Variants in NLRP7 observed in about 807,000 individuals in gnomAD.
The protein encoded by NLRP7 is NACHT, LRR and PYD domains-containing protein 7.
NLRP7 carries 72 observed loss-of-function variants against 85.5 expected under a neutral mutation model. That is an observed-to-expected ratio of 0.84 (90% confidence interval 0.70 to 1.02). The LOEUF (loss-of-function observed/expected upper bound fraction) is 1.02. Ranked by LOEUF, NLRP7 falls within the 50% of genes least tolerant of loss-of-function variation. The probability of loss-of-function intolerance (pLI) is 0.00; values close to 1 mark genes in which losing one functional copy is unlikely to be tolerated. For missense variants in NLRP7, 1,243 were observed against 1,219.5 expected (o/e 1.02, Z -0.29); for synonymous variants, 550 against 505.2 (o/e 1.09, Z -1.19).
At chr19:54,938,198 G>A (rs763112445) in exon 5 of NLRP7, 19 of 1,613,998 alleles carry the variant, frequency 1.2e-5, no homozygotes, top group South Asian at 3.3e-5. Flanking sequence ...CGAAGAGAGC[G>A]AAGATCCTGC....
chr19:54,932,101 A>G (rs561675253), intron 8 of NLRP7, among the ~76,000 whole-genome samples: 1 of 152,276 alleles, frequency 6.6e-6, no homozygotes, highest in South Asian at 2.1e-4. Context: ...TACACTTCGT[A>G]TAACGATCAG....
At chr19:54,938,806 G>A in intron 4 of NLRP7, 82 bp downstream of exon 4, 2 of 1,477,544 alleles carry the variant, frequency 1.4e-6, no homozygotes, top group East Asian at 2.3e-5. Flanking sequence ...CCAGCCAGAG[G>A]GAAATTCTGA....
upstream of NLRP7, chr19:54,947,630 A>G (rs1569541734): frequency 7.8e-7 from 1 of 1,289,522 alleles, no homozygotes; most frequent in East Asian, 5.6e-5. Flanking sequence ...CCAACCACTG[A>G]CCTCAGGCTC....
At position 54,927,494 on chromosome 19, in the gene NLRP7, T is replaced by G. The variant is rs1353862484; in HGVS notation, c.2810+3005A>C. 4 of 1,007,370 alleles carry G rather than the reference T, an allele frequency of 4.0e-6. No homozygotes were observed. The Admixed American group carries it at 5.6e-5, about 14-fold the overall frequency. 62.4% of individuals were successfully genotyped at this position (1,007,370 alleles called of 1,614,324 possible). ...TTGCTTGAACCTGAGAGGCAGAGGT[T>G]GCGGTGAGCCAAGATTGCGCCACTG... On this transcript the variant is annotated intron_variant, in intron 9 of 9. Transcript: ENST00000340844.
chr19:54,924,449 C>G (rs1384978157), intron 9 of NLRP7, among the ~76,000 whole-genome samples: 10 of 152,008 alleles, frequency 6.6e-5, no homozygotes, highest in Admixed American at 5.3e-4. Context: ...ACGGTGAAAC[C>G]CTGTCTCTAC....
At chr19:54,958,969 C>A (rs1490322108) in intron 1 of NLRP7, among the ~76,000 whole-genome samples, 2 of 152,022 alleles carry the variant, frequency 1.3e-5, no homozygotes, top group Non-Finnish European at 2.9e-5. Flanking sequence ...CAGTGTTCTT[C>A]TATACAATGC....
chr19:54,953,619 T>TCCTGGGGCGCGGGGCTG (rs2069747174), intron 1 of NLRP7, among the ~76,000 whole-genome samples: 2 of 151,776 alleles, frequency 1.3e-5, no homozygotes, highest in African/African-American at 4.8e-5. Context: ...TGGATTTCAT[T>TCCTGGGGCGCGGGGCTG]TCTGCCTTTT....
rs2070295014 is a variant in NLRP7 at position 54,965,028 on chromosome 19, T to G, written c.-77+1012A>C. On this transcript the variant is annotated intron_variant, in intron 1 of 2. Coordinates refer to the NLRP7 transcript ENST00000587103. ...TCTCAGCCTCGGCCGCAATCACAAT[T>G]ATCTGGGACTCTCGAAAGAACTCCA... The G allele has an allele frequency of 1.9e-5, 2 of 103,070 alleles. 1 individual carries two copies. Among genetic ancestry groups the G allele is most frequent in the Non-Finnish European group, 4.1e-5 (2 of 49,278 alleles). 6.4% of individuals were successfully genotyped at this position (103,070 alleles called of 1,614,324 possible). A position where few individuals can be genotyped will look rare whatever the true frequency, so the allele number is the denominator to read the frequency against.
At chr19:54,939,925 C>T (rs2069140851) in exon 4 of NLRP7, 1 of 1,614,028 alleles carries the variant, frequency 6.2e-7, no homozygotes, top group Non-Finnish European at 8.5e-7. Context: ...GCGTGGTGAC[C>T]AGCAAGGCTG....
chr19:54,937,644 TC>T (rs1409517016), intron 5 of NLRP7, among the ~76,000 whole-genome samples: 2 of 151,824 alleles, frequency 1.3e-5, no homozygotes, highest in African/African-American at 2.4e-5. Flanking sequence ...ATGCCTATAA[TC>T]CCAGCACTTT....
Position 54,934,012 on chromosome 19 carries a change from G to A in NLRP7, c.2472-273C>T, listed in dbSNP as rs1337186817. Among the ~76,000 whole-genome samples the A allele has an allele frequency of 4.6e-5, 7 of 152,286 alleles. No homozygotes were observed. Among genetic ancestry groups the A allele is most frequent in the East Asian group, 1.9e-4 (1 of 5,172 alleles). On this transcript the variant is annotated intron_variant, in intron 7 of 9. Transcript: ENST00000340844. The surrounding 1 kb of genome is among the most constrained non-coding windows in gnomAD (Gnocchi z 6.7). ...GGCTGGAGTGCAGTGGCGCGATCTC[G>A]GTTCACTGCCAATCGCCGCCTCCCA...
Position 54,939,147 on chromosome 19 carries a change from G to A in NLRP7, c.1672C>T (p.His558Tyr), listed in dbSNP as rs1295399007. 6.2e-7 allele frequency: 1 copy of A among 1,614,242 alleles called. No individual in the cohort carries two copies. The highest frequency in any genetic ancestry group is 1.1e-5 in the South Asian group (1 of 91,084). Reference sequence around the variant, plus strand: ...GTCACGGATAAGGGCTTATTTGCATGAAGATGTGCTTTGCATTGCAGCAAT... The same window carrying A: ...GTCACGGATAAGGGCTTATTTGCATAAAGATGTGCTTTGCATTGCAGCAAT... Residue 558 changes from histidine to tyrosine, a missense_variant, in exon 4 of 10, where the codon CAT (histidine) becomes TAT (tyrosine). Transcript: ENST00000340844.
chr19:54,944,249 G>A (rs1042699989), intron 1 of NLRP7, among the ~76,000 whole-genome samples: 2 of 152,022 alleles, frequency 1.3e-5, no homozygotes, highest in African/African-American at 4.8e-5. Flanking sequence ...GAATGTCTCG[G>A]TGTAAAACCC....
At position 54,938,160 on chromosome 19, in the gene NLRP7, G is replaced by A. The variant is rs947831073; in HGVS notation, c.2013C>T (p.Phe671=). The A allele has an allele frequency of 5.6e-6, 9 of 1,613,912 alleles. No individual in the cohort carries two copies. The African/African-American group carries it at 1.1e-4, about 19-fold the overall frequency. The change falls in exon 5 of 10, where the codon TTC becomes TTT. Residue 671 remains phenylalanine, a synonymous_variant. Coordinates refer to ENST00000340844, the Ensembl canonical transcript of NLRP7. ...GAAACTTGAGGTTGCTGTTTGAGCTGAAGAGAGAGCAGAAATCTGTCCAGA... is the reference window on the plus strand; with the variant it reads ...GAAACTTGAGGTTGCTGTTTGAGCTAAAGAGAGAGCAGAAATCTGTCCAGA...
At chr19:54,945,895 T>C (rs891342530) in intron 1 of NLRP7, among the ~76,000 whole-genome samples, 2 of 152,040 alleles carry the variant, frequency 1.3e-5, no homozygotes, top group African/African-American at 4.8e-5. Context: ...GTTCACGCCA[T>C]TCTCCTGCCT....
At position 54,938,868 on chromosome 19, in the gene NLRP7, G is replaced by C; in HGVS notation, c.1931+20C>G. 6.2e-7 allele frequency: 1 copy of C among 1,613,060 alleles called. No homozygotes were observed. The highest frequency in any genetic ancestry group is 8.5e-7 in the Non-Finnish European group (1 of 1,179,730). On this transcript the variant is annotated intron_variant, in intron 4 of 9. Transcript: ENST00000340844. ...CTGGCCTCTTCCTAGTGGAGCGTGGGATGGGAAAACAGTTCTTACCTTTCA... is the reference window on the plus strand; with the variant it reads ...CTGGCCTCTTCCTAGTGGAGCGTGGCATGGGAAAACAGTTCTTACCTTTCA...
intron 1 of NLRP7, among the ~76,000 whole-genome samples, chr19:54,944,148 A>G (rs1569541380): frequency 2.0e-5 from 3 of 152,006 alleles, no homozygotes; most frequent in Admixed American, 1.3e-4. Flanking sequence ...GACACCCGTA[A>G]AGGGTCTGTG....
chr19:54,962,837 G>A (rs897390776), intron 1 of NLRP7, among the ~76,000 whole-genome samples: 1 of 151,300 alleles, frequency 6.6e-6, no homozygotes, highest in African/African-American at 2.4e-5. Flanking sequence ...CTGACCTCGT[G>A]ATCCGCCCGC....
chr19:54,963,070 A>G (rs1161179396), intron 1 of NLRP7, among the ~76,000 whole-genome samples: 4 of 152,114 alleles, frequency 2.6e-5, no homozygotes, highest in Non-Finnish European at 4.4e-5. Context: ...CATGGCAATC[A>G]CTACTGTGTA....
Sources: gnomAD v4.1 joint callset for allele counts (sites outside exome capture counted in the v4.1 genomes callset) on GRCh38, gnomAD v4.1.1 for gene constraint, Gnocchi (gnomAD v3.1) non-coding constraint, MANE v1.5 for transcripts, NCBI Gene and HGNC (gene_info 2026-07-23, HGNC 2026-07-21) for gene names.